The following NUDT3 variants were observed in gnomAD, a reference collection of about 807,000 sequenced individuals.
NUDT3 encodes the protein diphosphoinositol polyphosphate phosphohydrolase 1.
A neutral mutation model predicts 23.6 loss-of-function variants in NUDT3; 9 were observed. The ratio of observed to expected loss-of-function variants is 0.38; its 90% CI spans 0.23 to 0.66. NUDT3 has a LOEUF of 0.66. Ranked by LOEUF, NUDT3 falls within the 30% of genes least tolerant of loss-of-function variation. NUDT3 has a pLI of 0.52. For synonymous variants in NUDT3, 86 were observed against 82.6 expected (o/e 1.04, Z -0.22); for missense variants, 172 against 218.5 (o/e 0.79, Z 1.34).
rs1257750006 is a variant in NUDT3, at chr6:34,284,393, C to T, written c.*4360G>A. The T allele has an allele frequency of 6.6e-6, 1 of 152,128 alleles. No homozygotes were observed. The highest frequency in any genetic ancestry group is 6.5e-5 in the Admixed American group (1 of 15,268). The allele number at this position is 152,128 out of a possible 1,614,324, so 9.4% of individuals were successfully genotyped here. A position where few individuals can be genotyped will look rare whatever the true frequency, so the allele number is the denominator to read the frequency against. ...GCAAAAATTCATTCCACTGTGATTTCTCCAGGTATTTCCTGCAATTCTAAA... is the reference window on the plus strand; with the variant it reads ...GCAAAAATTCATTCCACTGTGATTTTTCCAGGTATTTCCTGCAATTCTAAA... On this transcript the variant is annotated 3_prime_UTR_variant, in exon 5 of 5. Transcript: ENST00000607016.
At chr6:34,331,275 A>G (rs1272699829) in intron 2 of NUDT3, among the ~76,000 whole-genome samples, 4 of 148,444 alleles carry the variant, frequency 2.7e-5, no homozygotes, top group African/African-American at 1.0e-4. Flanking sequence ...AGGTATTTAG[A>G]CTTTCAAACT....
At position 34,288,110 on chromosome 6, in the gene NUDT3, T is replaced by A. The variant is rs202236558; in HGVS notation, c.*643A>T. On this transcript the variant is annotated 3_prime_UTR_variant, in exon 5 of 5. Transcript: ENST00000607016. Reference sequence around the variant, plus strand: ...GAAATAGAGAAAGGACAGGGCAACCTGCCCAGCCACTAGCATCGAAAACAA... The same window carrying A: ...GAAATAGAGAAAGGACAGGGCAACCAGCCCAGCCACTAGCATCGAAAACAA... 4.6e-5 allele frequency: 7 copies of A among 152,142 alleles called. No homozygotes were observed. Among genetic ancestry groups the A allele is most frequent in the Non-Finnish European group, 7.4e-5 (5 of 68,006 alleles). The allele number at this position is 152,142 out of a possible 1,614,324, so 9.4% of individuals were successfully genotyped here.
At chr6:34,353,009 C>T (rs1015555822) in intron 1 of NUDT3, among the ~76,000 whole-genome samples, 7 of 152,188 alleles carry the variant, frequency 4.6e-5, no homozygotes, top group Middle Eastern at 3.4e-3. Flanking sequence ...TTTAATAGTA[C>T]ATAATGTATA....
intron 4 of NUDT3, among the ~76,000 whole-genome samples, chr6:34,290,107 C>T (rs1002932439): frequency 3.9e-5 from 6 of 152,180 alleles, no homozygotes; most frequent in Non-Finnish European, 5.9e-5. Context: ...GCCTATCTCA[C>T]AAGTCTGTTA....
chr6:34,392,219 G>A lies in NUDT3; in HGVS notation c.99+45C>T, dbSNP rs3734363. The A allele has an allele frequency of 3.8e-3, 5,600 of 1,488,774 alleles. 37 individuals carry two copies. Among genetic ancestry groups the A allele is most frequent in the African/African-American group, 0.022 (1,541 of 69,996 alleles). The allele number at this position is 1,488,774 out of a possible 1,614,324, so 92.2% of individuals were successfully genotyped here. A position where few individuals can be genotyped will look rare whatever the true frequency, so the allele number is the denominator to read the frequency against. On this transcript the variant is annotated intron_variant, in intron 1 of 4. Transcript: ENST00000607016. The stretch of plus-strand genomic sequence containing the variant: ...CGCCCCTCGCGCCTCCACCCGAAGG[G>A]GCCGGAGACCCGGCGACCCCGGCCC...
chr6:34,387,984 A>G (rs948598170), intron 1 of NUDT3, among the ~76,000 whole-genome samples: 1 of 152,142 alleles, frequency 6.6e-6, no homozygotes, highest in African/African-American at 2.4e-5. Flanking sequence ...CAGTCATAAT[A>G]AGTGTCCTGG....
chr6:34,367,061 G>A (rs779522650), intron 1 of NUDT3, among the ~76,000 whole-genome samples: 1 of 151,938 alleles, frequency 6.6e-6, no homozygotes, highest in African/African-American at 2.4e-5. Flanking sequence ...GCTAATTTTT[G>A]TATTTTTAGT....
intron 1 of NUDT3, among the ~76,000 whole-genome samples, chr6:34,350,714 C>G (rs1185732803): frequency 6.6e-6 from 1 of 150,422 alleles, no homozygotes; most frequent in African/African-American, 2.5e-5. Flanking sequence ...TTTTTAGCTA[C>G]AGAGGAACTA....
At chr6:34,303,197 ATTTTTTTTTTTTTTT>A (rs55915428) in intron 2 of NUDT3, among the ~76,000 whole-genome samples, 14 of 74,508 alleles carry the variant, frequency 1.9e-4, no homozygotes, top group East Asian at 4.1e-4. Context: ...ATACCTGGCA[ATTTTTTTTTTTTTTT>A]TTTTTTTTTT....
chr6:34,338,158 A>G (rs766241945), intron 2 of NUDT3, among the ~76,000 whole-genome samples: 1 of 152,230 alleles, frequency 6.6e-6, no homozygotes, highest in Non-Finnish European at 1.5e-5. Context: ...CAGGTCTGAC[A>G]GGAAAGTGGG....
chr6:34,306,040 T>C (rs1374692610), intron 2 of NUDT3, among the ~76,000 whole-genome samples: 2 of 152,222 alleles, frequency 1.3e-5, no homozygotes. Context: ...CTCAATCTTG[T>C]TAATGGTGTT....
intron 1 of NUDT3, among the ~76,000 whole-genome samples, chr6:34,385,570 A>G (rs759464552): frequency 3.2e-4 from 49 of 152,326 alleles, no homozygotes; most frequent in Non-Finnish European, 5.6e-4. Context: ...GTTTTTATAA[A>G]GAACAAAAAC....
chr6:34,340,795 T>C (rs1468668051), intron 2 of NUDT3, among the ~76,000 whole-genome samples: 1 of 152,232 alleles, frequency 6.6e-6, no homozygotes, highest in Non-Finnish European at 1.5e-5. Flanking sequence ...GGATTTTTGA[T>C]GGGAAACGTG....
At chr6:34,327,261 G>A (rs535766082) in intron 2 of NUDT3, among the ~76,000 whole-genome samples, 3 of 151,980 alleles carry the variant, frequency 2.0e-5, no homozygotes, top group South Asian at 2.1e-4. Context: ...GGCCGGGCGC[G>A]GTGGCTCACC....
chr6:34,383,158 T>C (rs1399005637), intron 1 of NUDT3, among the ~76,000 whole-genome samples: 1 of 141,794 alleles, frequency 7.1e-6, no homozygotes, highest in Non-Finnish European at 1.5e-5. Context: ...AAAAGAAAAA[T>C]CACAATCCTT....
intron 1 of NUDT3, among the ~76,000 whole-genome samples, chr6:34,366,639 C>A (rs1387361295): frequency 3.3e-5 from 5 of 151,930 alleles, no homozygotes; most frequent in Non-Finnish European, 7.4e-5. Context: ...CTCACTGCAG[C>A]CTCGACCTCC....
At chr6:34,385,507 T>C (rs936505602) in intron 1 of NUDT3, among the ~76,000 whole-genome samples, 1 of 152,152 alleles carries the variant, frequency 6.6e-6, no homozygotes, top group Non-Finnish European at 1.5e-5. Context: ...TGTTAAGTTG[T>C]CTTTCTTTCA....
intron 2 of NUDT3, among the ~76,000 whole-genome samples, chr6:34,325,285 T>G (rs893769271): frequency 6.6e-6 from 1 of 152,238 alleles, no homozygotes; most frequent in Non-Finnish European, 1.5e-5. Context: ...CATAGCTTGC[T>G]GCAGCCTCAA....
intron 1 of NUDT3, among the ~76,000 whole-genome samples, chr6:34,345,587 C>A (rs570288072): frequency 7.0e-6 from 1 of 142,378 alleles, no homozygotes; most frequent in Non-Finnish European, 1.5e-5. Flanking sequence ...GGCGTGAACC[C>A]GGGAGGTGGA....
Sources: gnomAD v4.1 joint callset for allele counts (sites outside exome capture counted in the v4.1 genomes callset) on GRCh38, gnomAD v4.1.1 for gene constraint, MANE v1.5 for transcripts, NCBI Gene and HGNC (gene_info 2026-07-23, HGNC 2026-07-21) for gene names.